Variants in SCN11A observed in about 807,000 individuals in gnomAD.
SCN11A encodes the protein sodium channel protein type 11 subunit alpha.
A neutral mutation model predicts 162.2 loss-of-function variants in SCN11A; 122 were observed. The observed-to-expected ratio is 0.75, with a 90% CI of 0.65 to 0.87. The LOEUF (loss-of-function observed/expected upper bound fraction) is 0.87, where lower values mean the gene tolerates loss of function less well. Among genes scored for constraint, SCN11A ranks in the 40% least tolerant of loss-of-function variants. The probability of loss-of-function intolerance (pLI) is 0.00; values close to 1 mark genes in which losing one functional copy is unlikely to be tolerated. For missense variants in SCN11A, 2,015 were observed against 2,181.6 expected, an observed-to-expected ratio of 0.92 and a Z score of 1.52; for synonymous variants, 758 against 751.5, an observed-to-expected ratio of 1.01 and a Z score of -0.14.
At chr3:39,017,317 C>T (rs1485659738) in intron 2 of SCN11A, among the ~76,000 whole-genome samples, 1 of 151,928 alleles carries the variant, frequency 6.6e-6, no homozygotes, top group African/African-American at 2.4e-5. Context: ...TTGTTTATGC[C>T]ACCTAGTCTA....
chr3:38,916,870 A>G (rs940929970), intron 11 of SCN11A, among the ~76,000 whole-genome samples: 1 of 152,152 alleles, frequency 6.6e-6, no homozygotes, highest in Non-Finnish European at 1.5e-5. Flanking sequence ...GAAAAGACCA[A>G]AGCCTGCCTG....
At chr3:38,865,035 T>G (rs2065019894) in intron 27 of SCN11A, among the ~76,000 whole-genome samples, 1 of 152,184 alleles carries the variant, frequency 6.6e-6, no homozygotes, top group African/African-American at 2.4e-5. Context: ...TAAAAAGAGA[T>G]GTGTTCTAAA....
chr3:38,938,816 G>A (rs573738664), intron 7 of SCN11A, among the ~76,000 whole-genome samples: 5 of 151,296 alleles, frequency 3.3e-5, no homozygotes, highest in East Asian at 4.0e-4. Context: ...TGCCCGCCTC[G>A]GCCTCCCAAA....
chr3:39,006,295 C>T (rs1343716424), intron 2 of SCN11A, among the ~76,000 whole-genome samples: 1 of 152,146 alleles, frequency 6.6e-6, no homozygotes, highest in African/African-American at 2.4e-5. Flanking sequence ...CAAGTGACAA[C>T]CTAAACAACT....
chr3:38,920,041 A>C (rs780610459), intron 10 of SCN11A, 40 bp from the exon 11 acceptor site: 11 of 1,484,304 alleles, frequency 7.4e-6, no homozygotes, highest in Non-Finnish European at 9.4e-6. Context: ...TTTTAAAAAA[A>C]ACATTGAAAG....
At chr3:38,941,701 A>G (rs2066444809) in intron 7 of SCN11A, among the ~76,000 whole-genome samples, 1 of 152,218 alleles carries the variant, frequency 6.6e-6, no homozygotes, top group Non-Finnish European at 1.5e-5. Context: ...CTAAAAGGCC[A>G]GCAGAGGATT....
chr3:38,988,217 C>T (rs1160629090), intron 2 of SCN11A, among the ~76,000 whole-genome samples: 4 of 152,116 alleles, frequency 2.6e-5, no homozygotes, highest in East Asian at 1.9e-4. Context: ...AGCCTTGATG[C>T]CTGCCCTTAA....
chr3:38,985,101 T>TA (rs1553647870), intron 2 of SCN11A, among the ~76,000 whole-genome samples: 2 of 148,922 alleles, frequency 1.3e-5, no homozygotes, highest in Admixed American at 6.6e-5. Context: ...TCGGATTTTT[T>TA]AAAAAAATGT....
chr3:39,047,960 T>C (rs990800063), intron 1 of SCN11A, among the ~76,000 whole-genome samples: 1 of 152,192 alleles, frequency 6.6e-6, no homozygotes, highest in Non-Finnish European at 1.5e-5. Flanking sequence ...TGGAAAACAG[T>C]GTGTAGATTT....
chr3:38,968,691 C>T (rs554241032), intron 2 of SCN11A, among the ~76,000 whole-genome samples: 10 of 152,108 alleles, frequency 6.6e-5, no homozygotes, highest in East Asian at 1.9e-4. Flanking sequence ...CACCCACACA[C>T]GCACACACAT....
intron 16 of SCN11A, among the ~76,000 whole-genome samples, chr3:38,902,466 T>C (rs1240970934): frequency 6.6e-6 from 1 of 152,090 alleles, no homozygotes; most frequent in Non-Finnish European, 1.5e-5. Flanking sequence ...TCACTGCTCC[T>C]TGTGGAGGGA....
At chr3:38,900,298 C>T (rs1307954313) in intron 16 of SCN11A, among the ~76,000 whole-genome samples, 1 of 152,148 alleles carries the variant, frequency 6.6e-6, no homozygotes, top group Admixed American at 6.5e-5. Context: ...AGCAATGTAA[C>T]CAAGCTCACA....
chr3:38,954,055 C>T (rs1435530135), intron 3 of SCN11A, among the ~76,000 whole-genome samples: 1 of 152,156 alleles, frequency 6.6e-6, no homozygotes, highest in Admixed American at 6.5e-5. Context: ...TTCAAGTATA[C>T]TATGATTAGG....
intron 2 of SCN11A, among the ~76,000 whole-genome samples, chr3:38,963,744 G>A (rs981562437): frequency 2.0e-5 from 3 of 151,786 alleles, no homozygotes; most frequent in Non-Finnish European, 4.4e-5. Context: ...AGAGAGGCAA[G>A]GGATTAAAAA....
Position 38,847,468 on chromosome 3 carries a change from G to C in SCN11A, c.4602C>G (p.Phe1534Leu). The C allele has an allele frequency of 6.2e-7, 1 of 1,614,168 alleles. No homozygotes were observed. The highest frequency in any genetic ancestry group is 8.5e-7 in the Non-Finnish European group (1 of 1,180,026). ...PESGIDDIFN[F>L]KTFASSMLCL... is the part of the protein sequence containing the mutation. ...AGAGCATGCTGCTGGCAAAAGTCTT[G>C]AAGTTGAATATGTCATCGATTCCAG... The change falls in exon 30 of 30, where the codon TTC becomes TTG. Residue 1534 changes from phenylalanine (F) to leucine (L), a missense_variant. By Grantham distance (22) the Phe-to-Leu change is conservative (BLOSUM62 0). Transcript: ENST00000302328.
intron 9 of SCN11A, among the ~76,000 whole-genome samples, chr3:38,924,666 C>T (rs1019952756): frequency 6.6e-6 from 1 of 152,148 alleles, no homozygotes; most frequent in African/African-American, 2.4e-5. Flanking sequence ...AGCCACTGCA[C>T]CTGGCCTTAA....
intron 29 of SCN11A, 53 bp from the exon 30 acceptor site, chr3:38,847,795 A>G (rs1040256541): frequency 1.3e-5 from 15 of 1,165,002 alleles, no homozygotes; most frequent in Non-Finnish European, 1.6e-5. Context: ...CTGGTTTCAG[A>G]TCCAGCCTGT....
Position 39,030,270 on chromosome 3 carries a change from T to C in SCN11A, c.-280+2110A>G, listed in dbSNP as rs546210134. Among the ~76,000 whole-genome samples, 9 of 152,300 alleles carry C rather than the reference T, an allele frequency of 5.9e-5. No individual in the cohort carries two copies. The South Asian group carries it at 1.7e-3, about 28-fold the overall frequency. ...AGACCTGTAACCACTGCTGAAAACA[T>C]CTAGGTTGGTGACAGAACCTGGTCG... On this transcript the variant is annotated intron_variant, in intron 2 of 29. Coordinates refer to ENST00000302328, the MANE Select transcript of SCN11A (RefSeq NM_001349253.2).
intron 1 of SCN11A, among the ~76,000 whole-genome samples, chr3:39,043,195 A>C (rs1331488556): frequency 6.6e-6 from 1 of 152,138 alleles, no homozygotes; most frequent in Non-Finnish European, 1.5e-5. Context: ...TGGAGAAAGG[A>C]GAACCCTCGT....
Sources: allele counts gnomAD v4.1 joint callset (sites outside exome capture counted in the v4.1 genomes callset), GRCh38; gene constraint gnomAD v4.1.1; transcripts MANE v1.5; gene names NCBI Gene and HGNC (gene_info 2026-07-23, HGNC 2026-07-21).